KIF13B: variants seen among roughly 807,000 people sequenced by gnomAD.
KIF13B encodes kinesin-like protein KIF13B.
In KIF13B, 127 loss-of-function variants were observed where a neutral mutation model predicts 222.0. That is an observed-to-expected ratio of 0.57 (90% CI 0.50 to 0.66). The LOEUF (loss-of-function observed/expected upper bound fraction) is 0.66. Ranked by LOEUF, KIF13B falls within the 30% of genes least tolerant of loss-of-function variation. The probability of loss-of-function intolerance (pLI) is 0.00; values close to 1 mark genes in which losing one functional copy is unlikely to be tolerated. For synonymous variants in KIF13B, 976 were observed against 919.0 expected, an observed-to-expected ratio of 1.06 and a Z score of -1.12; for missense variants, 2,173 against 2,379.0, an observed-to-expected ratio of 0.91 and a Z score of 1.80.
chr8:29,177,914 AAAC>A (rs549520256), intron 8 of KIF13B, among the ~76,000 whole-genome samples: 28 of 152,332 alleles, frequency 1.8e-4, no homozygotes, highest in Admixed American at 2.6e-4. Context: ...GTCTCTTAAA[AAAC>A]AATACAAAAA....
At chr8:29,194,995 C>T (rs1813352904) in intron 3 of KIF13B, among the ~76,000 whole-genome samples, 1 of 152,156 alleles carries the variant, frequency 6.6e-6, no homozygotes, top group African/African-American at 2.4e-5. Context: ...CGCCTGTAAT[C>T]CCAGCACTTT....
At chr8:29,200,604 C>T (rs554468576) in intron 2 of KIF13B, among the ~76,000 whole-genome samples, 1 of 152,310 alleles carries the variant, frequency 6.6e-6, no homozygotes, top group East Asian at 1.9e-4. Flanking sequence ...ATGACCAAAA[C>T]CAAGAAATTA....
chr8:29,181,775 T>C (rs1407287605), intron 7 of KIF13B, 144 bp downstream of exon 7: 15 of 498,800 alleles, frequency 3.0e-5, no homozygotes. Context: ...ATCAACTATC[T>C]CATTTTTAGG....
intron 35 of KIF13B, among the ~76,000 whole-genome samples, chr8:29,107,719 C>G (rs879430524): frequency 6.6e-6 from 1 of 151,914 alleles, no homozygotes; most frequent in South Asian, 2.1e-4. Flanking sequence ...CGCCACCTCG[C>G]CTGACTAGTT....
At chr8:29,166,835 A>C (rs114912028) in intron 11 of KIF13B, among the ~76,000 whole-genome samples, 2,231 of 152,370 alleles carry the variant, frequency 0.015, 58 homozygotes, top group African/African-American at 0.05. Context: ...TATCCATTAC[A>C]GAATACACAG....
At chr8:29,144,399 A>G (rs1471412087) in intron 18 of KIF13B, among the ~76,000 whole-genome samples, 1 of 152,040 alleles carries the variant, frequency 6.6e-6, no homozygotes, top group African/African-American at 2.4e-5. Flanking sequence ...CTGGGATTAC[A>G]GGCGCCTGCC....
At chr8:29,181,722 A>G (rs772830823) in intron 7 of KIF13B, among the ~76,000 whole-genome samples, 197 bp downstream of exon 7, 1 of 152,242 alleles carries the variant, frequency 6.6e-6, no homozygotes, top group African/African-American at 2.4e-5. Context: ...TTTTCATTTA[A>G]AAGCCTCATC....
rs1216070518 is a variant in KIF13B at position 29,146,414 on chromosome 8, T to C, written c.2151A>G (p.Leu717=). ...LDKRTEYKVT[L]QIPASSLDAN... ...CATCCAGGCTGGAGGCTGGAATCTGTAGGGTAACTTTGTATTCTGTTCTTT... is the reference window on the plus strand; with the variant it reads ...CATCCAGGCTGGAGGCTGGAATCTGCAGGGTAACTTTGTATTCTGTTCTTT... The change falls in exon 18 of 40, where the codon CTA becomes CTG. Residue 717 remains leucine, a synonymous_variant. Coordinates refer to ENST00000524189, the MANE Select transcript of KIF13B (RefSeq NM_015254.4). 4 of 1,613,950 alleles carry C rather than the reference T, an allele frequency of 2.5e-6. No homozygotes were observed. Among genetic ancestry groups the C allele is most frequent in the East Asian group, 2.2e-5 (1 of 44,890 alleles).
At chr8:29,084,210 C>T (rs1807940198) in intron 37 of KIF13B, among the ~76,000 whole-genome samples, 1 of 152,180 alleles carries the variant, frequency 6.6e-6, no homozygotes, top group African/African-American at 2.4e-5. Flanking sequence ...GCCACCGCAC[C>T]CGACCGTGTT....
chr8:29,070,590 TGGCG>T lies in KIF13B; in HGVS notation c.5391_5394del (p.Ala1798ProfsTer6), dbSNP rs1439278783. Reference sequence around the variant, plus strand: ...GCAGCTGTCAGCGAGGCCAGGTTGGTGGCGGAGCCCGAGAGGGTGGCGCTCCGGC... The same window carrying T: ...GCAGCTGTCAGCGAGGCCAGGTTGGTGAGCCCGAGAGGGTGGCGCTCCGGC... On this transcript the variant is annotated frameshift_variant, in exon 40 of 40. Coordinates refer to ENST00000524189, the MANE Select transcript of KIF13B (RefSeq NM_015254.4). LOFTEE classifies it high-confidence loss of function. This position sits in a 1 kb window ranked among gnomAD's most constrained non-coding sequence, Gnocchi z 4.1. 1.3e-6 allele frequency: 2 copies of T among 1,598,676 alleles called. No homozygotes were observed. Among genetic ancestry groups the T allele is most frequent in the Non-Finnish European group, 1.7e-6 (2 of 1,172,982 alleles).
At chr8:29,134,277 T>G (rs1023340602) in intron 21 of KIF13B, 67 bp from the exon 22 acceptor site, 1 of 1,501,766 alleles carries the variant, frequency 6.7e-7, no homozygotes, top group African/African-American at 1.4e-5. Flanking sequence ...GAGTTGCAGG[T>G]TCCAGCCCCG....
chr8:29,176,164 G>C lies in KIF13B; in HGVS notation c.849C>G (p.Leu283=). Residue 283 remains leucine (L), a synonymous_variant, in exon 10 of 40, where the codon CTC becomes CTG. Transcript: ENST00000524189. ...CTGCAAGAGCTGAGATAACCAGACC[G>C]AGGGTTGTGAGGGACCTGCATGGTG... ...GSNINKSLTT[L]GLVISALADQ... 1.2e-6 allele frequency: 2 copies of C among 1,607,878 alleles called. No individual in the cohort carries two copies. Among genetic ancestry groups the C allele is most frequent in the Non-Finnish European group, 1.7e-6 (2 of 1,174,882 alleles).
chr8:29,242,010 C>A (rs746995852), intron 2 of KIF13B, among the ~76,000 whole-genome samples: 1 of 152,136 alleles, frequency 6.6e-6, no homozygotes, highest in Non-Finnish European at 1.5e-5. Context: ...ACTTTTATAA[C>A]ACAAATGATT....
At chr8:29,257,271 G>A (rs180901884) in intron 1 of KIF13B, among the ~76,000 whole-genome samples, 20 of 152,064 alleles carry the variant, frequency 1.3e-4, no homozygotes, top group Admixed American at 1.2e-3. Flanking sequence ...GACTTGCATG[G>A]AGTGGACCAG....
Position 29,124,051 on chromosome 8 carries a change from G to T in KIF13B, c.3325C>A (p.Gln1109Lys). ...CGTTTACTGACAAGCTTTTGCAATT[G>T]TTGATCCAAGTACTCCTGACGTTTT... Reference protein sequence around the residue: ...LTKRQEYLDQQLQKLVSKRDK... With the variant: ...LTKRQEYLDQKLQKLVSKRDK... The change falls in exon 27 of 40, where the codon CAA (glutamine) becomes AAA (lysine). Residue 1109 changes from glutamine (Q) to lysine (K), a missense_variant. By Grantham distance (53) the Gln-to-Lys change is moderately conservative (BLOSUM62 1). Around this residue, in one of 2 missense-constraint regions of KIF13B, gnomAD observed 1,480 missense variants for 1,722.8 expected, o/e 0.86. Coordinates refer to ENST00000524189, the MANE Select transcript of KIF13B (RefSeq NM_015254.4). 6.2e-7 allele frequency: 1 copy of T among 1,611,810 alleles called. No homozygotes were observed. Among genetic ancestry groups the T allele is most frequent in the Non-Finnish European group, 8.5e-7 (1 of 1,178,258 alleles).
rs190554734 is a variant in KIF13B at position 29,118,856 on chromosome 8, G to C, written c.3660+12C>G. ...CTTTTCATCTGACCATCCCAAGTTA[G>C]GCTTTCCTTACCTCCCCATCATGCT... On this transcript the variant is annotated intron_variant, in intron 30 of 39. Transcript: ENST00000524189. 2.0e-4 allele frequency: 324 copies of C among 1,613,080 alleles called. No individual in the cohort carries two copies. In the African/African-American group the frequency reaches 3.5e-3, roughly 18 times the overall value.
At chr8:29,137,562 T>C (rs935752165) in intron 21 of KIF13B, among the ~76,000 whole-genome samples, 1 of 152,238 alleles carries the variant, frequency 6.6e-6, no homozygotes, top group African/African-American at 2.4e-5. Context: ...CCAGACTTCT[T>C]TGGGGGCTAA....
At position 29,070,407 on chromosome 8, in the gene KIF13B, G is replaced by A. The variant is rs1586733764; in HGVS notation, c.*97C>T. ...AAAGCATTCATCGCCCTGCCCCTGG[G>A]GAAGGGGCCACCGGGCTCCTGGCTC... On this transcript the variant is annotated 3_prime_UTR_variant, in exon 40 of 40. Coordinates refer to ENST00000524189, the MANE Select transcript of KIF13B (RefSeq NM_015254.4). This position sits in a 1 kb window ranked among gnomAD's most constrained non-coding sequence, Gnocchi z 4.1. 5.8e-6 allele frequency: 8 copies of A among 1,382,498 alleles called. No individual in the cohort carries two copies. The highest frequency in any genetic ancestry group is 8.0e-6 in the Non-Finnish European group (8 of 1,004,738). The allele number at this position is 1,382,498 out of a possible 1,614,324, so 85.6% of individuals were successfully genotyped here.
intron 13 of KIF13B, among the ~76,000 whole-genome samples, chr8:29,160,059 T>G (rs916427227): frequency 2.6e-5 from 4 of 152,264 alleles, no homozygotes; most frequent in Non-Finnish European, 4.4e-5. Flanking sequence ...TGCTCTGGGC[T>G]TGACACAGCC....
Sources: gnomAD v4.1 joint callset for allele counts (sites outside exome capture counted in the v4.1 genomes callset) on GRCh38, gnomAD v4.1.1 for gene constraint, gnomAD v4.1.1 regional missense constraint, Gnocchi (gnomAD v3.1) non-coding constraint, MANE v1.5 for transcripts, NCBI Gene and HGNC (gene_info 2026-07-23, HGNC 2026-07-21) for gene names.